Variants in IQCM observed in about 807,000 individuals in gnomAD.
IQCM encodes the protein IQ motif containing M, also known as IQ domain-containing protein M.
A neutral mutation model predicts 57.6 loss-of-function variants in IQCM; 45 were observed. The ratio of observed to expected loss-of-function variants is 0.78; its 90% CI spans 0.62 to 1.00. The LOEUF is 1.00. Among genes scored for constraint, IQCM ranks in the 50% least tolerant of loss-of-function variants. The pLI, the probability that IQCM is intolerant of heterozygous loss-of-function variation, is 0.00. For missense variants in IQCM, 468 were observed against 511.6 expected (o/e 0.91, Z 0.82); for synonymous variants, 148 against 158.9 (o/e 0.93, Z 0.51).
rs558875847 is a variant in IQCM at position 149,471,550 on chromosome 4, C to A, written c.1229-37993G>T. 6.6e-5 allele frequency among the ~76,000 whole-genome samples: 10 copies of A among 152,312 alleles called. No homozygotes were observed. The East Asian group carries it at 1.7e-3, about 26-fold the overall frequency. Reference sequence around the variant, plus strand: ...ATTCTACCAGAGGTACAAAGAGGAGCTGGTACCATTCCTTCTGAAAGTATT... The same window carrying A: ...ATTCTACCAGAGGTACAAAGAGGAGATGGTACCATTCCTTCTGAAAGTATT... On this transcript the variant is annotated intron_variant, in intron 12 of 13. Transcript: ENST00000636793.
chr4:149,573,385 G>T (rs1751346415), intron 9 of IQCM, among the ~76,000 whole-genome samples: 1 of 151,660 alleles, frequency 6.6e-6, no homozygotes, highest in African/African-American at 2.4e-5. Context: ...TTCAAAGATT[G>T]TTTCATTGAC....
chr4:149,665,278 G>A (rs1760613445), intron 7 of IQCM, among the ~76,000 whole-genome samples: 1 of 152,120 alleles, frequency 6.6e-6, no homozygotes, highest in Non-Finnish European at 1.5e-5. Context: ...CTCCAAATTG[G>A]CTTCAGGTCC....
chr4:149,598,858 T>C (rs111774942), intron 8 of IQCM, among the ~76,000 whole-genome samples: 100 of 152,294 alleles, frequency 6.6e-4, no homozygotes, highest in African/African-American at 2.3e-3. Context: ...AGCACAGCCA[T>C]TCCATGGTTA....
chr4:149,540,303 T>C (rs750542800), intron 12 of IQCM, among the ~76,000 whole-genome samples: 1 of 149,538 alleles, frequency 6.7e-6, no homozygotes, highest in East Asian at 2.0e-4. Flanking sequence ...TGATCTAGTA[T>C]GTGGGATTGC....
At chr4:149,723,366 G>T (rs1446813591) in intron 5 of IQCM, among the ~76,000 whole-genome samples, 1 of 151,932 alleles carries the variant, frequency 6.6e-6, no homozygotes, top group Non-Finnish European at 1.5e-5. Flanking sequence ...TCTTGTTCTA[G>T]TACTTAGGAG....
chr4:149,351,833 A>G lies in IQCM; in HGVS notation c.*118T>C, dbSNP rs1301988457. 5 of 395,268 alleles carry G rather than the reference A, an allele frequency of 1.3e-5. No individual in the cohort carries two copies. In the East Asian group the frequency reaches 1.4e-4, roughly 11 times the overall value. 24.5% of individuals were successfully genotyped at this position (395,268 alleles called of 1,614,324 possible). On this transcript the variant is annotated 3_prime_UTR_variant, in exon 14 of 14. Transcript: ENST00000636793. ...AGATAAACTTGTCAAAGTTCTTTCT[A>G]TATTCAAAGATTTTTATCCTTTCTT...
At chr4:149,615,941 G>A (rs1415655689) in intron 8 of IQCM, among the ~76,000 whole-genome samples, 2 of 152,148 alleles carry the variant, frequency 1.3e-5, no homozygotes, top group African/African-American at 2.4e-5. Flanking sequence ...CCATTAGGAT[G>A]TGAAGCACCA....
chr4:149,358,604 C>T (rs920585160), intron 13 of IQCM, among the ~76,000 whole-genome samples: 4 of 151,958 alleles, frequency 2.6e-5, no homozygotes, highest in Non-Finnish European at 5.9e-5. Context: ...AGAATAGACT[C>T]AGAGAACAGT....
At chr4:149,709,097 T>C (rs1204740133) in intron 5 of IQCM, among the ~76,000 whole-genome samples, 1 of 152,084 alleles carries the variant, frequency 6.6e-6, no homozygotes, top group Non-Finnish European at 1.5e-5. Context: ...TTCATAGCAG[T>C]TTATTAAGTA....
chr4:149,610,934 A>T (rs1017906482), intron 8 of IQCM, among the ~76,000 whole-genome samples: 18 of 152,088 alleles, frequency 1.2e-4, no homozygotes, highest in African/African-American at 4.3e-4. Flanking sequence ...ACAGCCAACG[A>T]ATGGGGGAAA....
chr4:149,356,095 GTTT>G (rs1252934673), intron 13 of IQCM, among the ~76,000 whole-genome samples: 1 of 152,056 alleles, frequency 6.6e-6, no homozygotes, highest in Non-Finnish European at 1.5e-5. Flanking sequence ...GGGGCTGTTT[GTTT>G]TTTTCTTGTA....
At chr4:149,660,664 G>C (rs1760104814) in intron 7 of IQCM, among the ~76,000 whole-genome samples, 1 of 152,118 alleles carries the variant, frequency 6.6e-6, no homozygotes, top group African/African-American at 2.4e-5. Context: ...AAAAAAGGAT[G>C]AGTTCATGTC....
At chr4:149,601,550 A>G (rs1055335418) in intron 8 of IQCM, among the ~76,000 whole-genome samples, 2 of 152,130 alleles carry the variant, frequency 1.3e-5, no homozygotes, top group African/African-American at 4.8e-5. Context: ...CTAGGATAAT[A>G]TTGTTTCCAC....
At chr4:149,415,494 A>G (rs1733685478) in intron 13 of IQCM, among the ~76,000 whole-genome samples, 1 of 152,184 alleles carries the variant, frequency 6.6e-6, no homozygotes, top group South Asian at 2.1e-4. Context: ...GGAAATATTC[A>G]CAAGGAAGAC....
chr4:149,370,171 G>C (rs1730265514), intron 13 of IQCM, among the ~76,000 whole-genome samples: 1 of 152,162 alleles, frequency 6.6e-6, no homozygotes, highest in Non-Finnish European at 1.5e-5. Flanking sequence ...TGGGATCATA[G>C]GCTTGAGCCA....
chr4:149,753,269 A>G (rs1179983083), intron 2 of IQCM, among the ~76,000 whole-genome samples: 2 of 152,128 alleles, frequency 1.3e-5, no homozygotes, highest in Admixed American at 1.3e-4. Flanking sequence ...AAAAATGAAA[A>G]AGAATTTAAA....
intron 12 of IQCM, among the ~76,000 whole-genome samples, chr4:149,529,414 T>G (rs543424300): frequency 6.6e-6 from 1 of 152,242 alleles, no homozygotes; most frequent in African/African-American, 2.4e-5. Context: ...AATATTCTGG[T>G]TTTGAGTTAT....
intron 13 of IQCM, among the ~76,000 whole-genome samples, chr4:149,414,987 C>T (rs890621373): frequency 1.3e-5 from 2 of 152,040 alleles, no homozygotes; most frequent in Non-Finnish European, 2.9e-5. Context: ...AACATAGATC[C>T]AGCTATCTAT....
At chr4:149,544,570 A>C (rs1239887177) in intron 12 of IQCM, among the ~76,000 whole-genome samples, 3 of 152,212 alleles carry the variant, frequency 2.0e-5, no homozygotes, top group Non-Finnish European at 4.4e-5. Context: ...AAACTATAAA[A>C]GTTCCTGAAA....
Sources: gnomAD v4.1 joint callset for allele counts (sites outside exome capture counted in the v4.1 genomes callset) on GRCh38, gnomAD v4.1.1 for gene constraint, MANE v1.5 for transcripts, NCBI Gene and HGNC (gene_info 2026-07-23, HGNC 2026-07-21) for gene names.